FARP2: variants seen among roughly 807,000 people sequenced by gnomAD.
FARP2 encodes FERM, ARHGEF and pleckstrin domain-containing protein 2.
Under a neutral mutation model 130.5 loss-of-function variants are expected in FARP2, and 111 were observed. The ratio of observed to expected loss-of-function variants is 0.85; its 90% confidence interval spans 0.73 to 1.00. FARP2 has a LOEUF of 1.00. FARP2 is among the 50% of genes least tolerant of loss of function. The pLI is 0.00. For missense variants in FARP2, 1,385 were observed against 1,346.3 expected (o/e 1.03, Z -0.45); for synonymous variants, 504 against 516.9 (o/e 0.98, Z 0.34).
chr2:241,394,517 C>CA (rs10592643), intron 2 of FARP2, among the ~76,000 whole-genome samples: 13,546 of 79,500 alleles, frequency 0.17, 973 homozygotes, highest in Non-Finnish European at 0.22. Flanking sequence ...GACTCCATCT[C>CA]AAAAAAAAAA....
At chr2:241,453,362 C>T (rs928306697) in intron 13 of FARP2, among the ~76,000 whole-genome samples, 2 of 150,950 alleles carry the variant, frequency 1.3e-5, no homozygotes, top group African/African-American at 2.4e-5. Context: ...GTGGCTCATG[C>T]CTGTAATCCC....
rs1476908913 is a variant in FARP2, at chr2:241,482,578, A to G, written c.2263-887A>G. On this transcript the variant is annotated intron_variant, in intron 19 of 26. Transcript: ENST00000264042. The surrounding 1 kb of genome is among the most constrained non-coding windows in gnomAD (Gnocchi z 4.6). ...ATCCAGTTAACGCAAATGCATCCAT[A>G]TGACCACCTTCTTCATTGTGTGGGG... is the stretch of plus-strand genomic sequence containing the variant. Among the ~76,000 whole-genome samples, 1 of 152,174 alleles carries G rather than the reference A, an allele frequency of 6.6e-6. No individual in the cohort carries two copies. Among genetic ancestry groups the G allele is most frequent in the Non-Finnish European group, 1.5e-5 (1 of 68,022 alleles).
intron 7 of FARP2, among the ~76,000 whole-genome samples, chr2:241,413,843 G>A (rs2062592093): frequency 6.6e-6 from 1 of 151,970 alleles, no homozygotes; most frequent in Non-Finnish European, 1.5e-5. Context: ...CTCAGGAGGT[G>A]AGGCAGGAGA....
At chr2:241,476,113 C>A in intron 19 of FARP2, 126 bp downstream of exon 19, 2 of 766,892 alleles carry the variant, frequency 2.6e-6, no homozygotes, top group Non-Finnish European at 4.1e-6. Flanking sequence ...TGGCTCATAC[C>A]TGTAATCTGA....
chr2:241,492,917 C>G lies in FARP2; in HGVS notation c.2788-12C>G. 1 of 1,559,484 alleles carries G rather than the reference C, an allele frequency of 6.4e-7. No homozygotes were observed. The highest frequency in any genetic ancestry group is 1.1e-5 in the South Asian group (1 of 89,810). ...GCTGGTTAATGCACCTGCATTTTTC[C>G]TTTATTGACAGAACCAGCTTTCAGG... On this transcript the variant is annotated splice_polypyrimidine_tract_variant and intron_variant, in intron 24 of 26. Transcript: ENST00000264042.
intron 2 of FARP2, among the ~76,000 whole-genome samples, chr2:241,388,836 A>C (rs1236589804): frequency 6.6e-6 from 1 of 151,994 alleles, no homozygotes; most frequent in Non-Finnish European, 1.5e-5. Context: ...CCAAAAAAAT[A>C]TCTCTAATGC....
At chr2:241,377,715 G>A (rs2061571414) in intron 2 of FARP2, among the ~76,000 whole-genome samples, 1 of 152,080 alleles carries the variant, frequency 6.6e-6, no homozygotes, top group Non-Finnish European at 1.5e-5. Flanking sequence ...GTGAATACTT[G>A]TTATACTGTA....
intron 17 of FARP2, 120 bp downstream of exon 17, chr2:241,464,100 T>A (rs980876130): frequency 1.3e-6 from 1 of 767,632 alleles, no homozygotes; most frequent in Non-Finnish European, 2.2e-6. Flanking sequence ...CAGAACAGGA[T>A]CCCCCTCAGA....
intron 2 of FARP2, among the ~76,000 whole-genome samples, chr2:241,390,126 G>C (rs2061872752): frequency 6.6e-6 from 1 of 152,238 alleles, no homozygotes; most frequent in Non-Finnish European, 1.5e-5. Context: ...TTCTGCTGAA[G>C]TTGGCCCCGT....
intron 2 of FARP2, among the ~76,000 whole-genome samples, chr2:241,392,797 T>G (rs906399839): frequency 6.6e-6 from 1 of 151,694 alleles, no homozygotes; most frequent in Non-Finnish European, 1.5e-5. Context: ...AAACCTATTA[T>G]CTGGGTGTGG....
chr2:241,426,933 A>G (rs750134113), intron 8 of FARP2, among the ~76,000 whole-genome samples: 18 of 152,126 alleles, frequency 1.2e-4, no homozygotes, highest in Non-Finnish European at 2.2e-4. Flanking sequence ...GCAGGAAAAT[A>G]AACGATAAAA....
chr2:241,417,912 T>C, intron 7 of FARP2, 50 bp from the exon 8 acceptor site: 1 of 1,601,344 alleles, frequency 6.2e-7, no homozygotes, highest in Non-Finnish European at 8.5e-7. Flanking sequence ...TTTTGGCTCT[T>C]TCAGAAATCA....
At chr2:241,366,146 C>CGT (rs2061316153) in intron 1 of FARP2, among the ~76,000 whole-genome samples, 1 of 11,786 alleles carries the variant, frequency 8.5e-5, no homozygotes, top group Non-Finnish European at 2.1e-4. Context: ...TATACACACA[C>CGT]ACATATATAT....
intron 2 of FARP2, among the ~76,000 whole-genome samples, chr2:241,399,468 C>A (rs1242074063): frequency 6.6e-6 from 1 of 152,174 alleles, no homozygotes; most frequent in African/African-American, 2.4e-5. Context: ...CCACACCCGG[C>A]TAATTTTTGT....
At chr2:241,455,118 G>A (rs898699162) in intron 13 of FARP2, among the ~76,000 whole-genome samples, 42 of 152,332 alleles carry the variant, frequency 2.8e-4, no homozygotes, top group African/African-American at 9.9e-4. Flanking sequence ...TAGGTTAAGT[G>A]AACCAAGTTT....
At chr2:241,493,161 G>A (rs1351408655) in intron 25 of FARP2, 125 bp downstream of exon 25, 4 of 1,191,360 alleles carry the variant, frequency 3.4e-6, no homozygotes, top group Non-Finnish European at 2.5e-6. Context: ...ACCCTGTGCT[G>A]TGTGAACAGG....
intron 2 of FARP2, among the ~76,000 whole-genome samples, chr2:241,376,557 C>A (rs1056951821): frequency 1.3e-5 from 2 of 152,250 alleles, no homozygotes. Flanking sequence ...CCCTGCATAG[C>A]CCCACAGAGG....
intron 2 of FARP2, among the ~76,000 whole-genome samples, chr2:241,390,029 G>A (rs1238576616): frequency 6.6e-6 from 1 of 152,136 alleles, no homozygotes; most frequent in Non-Finnish European, 1.5e-5. Context: ...TGCTACCCAG[G>A]TCTCTTCCCA....
intron 7 of FARP2, among the ~76,000 whole-genome samples, chr2:241,416,017 G>C (rs1394798892): frequency 2.0e-5 from 3 of 151,328 alleles, no homozygotes; most frequent in East Asian, 3.9e-4. Flanking sequence ...GTGTGTGTGT[G>C]TGTGTGTGTG....
Sources: gnomAD v4.1 joint callset for allele counts (sites outside exome capture counted in the v4.1 genomes callset) on GRCh38, gnomAD v4.1.1 for gene constraint, Gnocchi (gnomAD v3.1) non-coding constraint, MANE v1.5 for transcripts, NCBI Gene and HGNC (gene_info 2026-07-23, HGNC 2026-07-21) for gene names.